Variants in CTNND2 observed in about 807,000 individuals in gnomAD.
CTNND2 encodes the protein catenin delta 2, also known as catenin delta-2.
A neutral mutation model predicts 144.4 loss-of-function variants in CTNND2; 22 were observed. The observed-to-expected ratio is 0.15, with a 90% CI of 0.11 to 0.22. The LOEUF is 0.22. Ranked by LOEUF, CTNND2 falls within the 10% of genes least tolerant of loss-of-function variation. The pLI is 1.00. For synonymous variants in CTNND2, 751 were observed against 695.6 expected (o/e 1.08, Z -1.25); for missense variants, 1,353 against 1,618.8 (o/e 0.84, Z 2.82).
At chr5:11,002,879 A>C (rs1740098463) in intron 18 of CTNND2, among the ~76,000 whole-genome samples, 1 of 152,180 alleles carries the variant, frequency 6.6e-6, no homozygotes, top group African/African-American at 2.4e-5. Context: ...CTTATAAGAG[A>C]CTTCTCTGAC....
intron 9 of CTNND2, among the ~76,000 whole-genome samples, chr5:11,250,487 C>CTATATATA (rs1282598853): frequency 1.0e-4 from 7 of 67,208 alleles, no homozygotes; most frequent in South Asian, 1.1e-3. Context: ...CTCTCTCTCT[C>CTATATATA]TCTCTATATA....
chr5:11,710,801 G>C (rs762814825), intron 2 of CTNND2, among the ~76,000 whole-genome samples: 40 of 152,206 alleles, frequency 2.6e-4, no homozygotes, highest in Non-Finnish European at 1.2e-4. Context: ...TCAATGGAAG[G>C]GAGGTTAGGG....
At position 11,517,633 on chromosome 5, in the gene CTNND2, G is replaced by A. The variant is rs528863458; in HGVS notation, c.287+47311C>T. ...CCGGGGCCTCTCGGGGGTGTAGGGGGCAAGGGGAGGGAGAGCATTAGGACA... is the reference window on the plus strand; with the variant it reads ...CCGGGGCCTCTCGGGGGTGTAGGGGACAAGGGGAGGGAGAGCATTAGGACA... On this transcript the variant is annotated intron_variant, in intron 3 of 21. Coordinates refer to ENST00000304623, the MANE Select transcript of CTNND2 (RefSeq NM_001332.4). Among the ~76,000 whole-genome samples the A allele has an allele frequency of 4.6e-5, 7 of 151,546 alleles. No homozygotes were observed. The South Asian group carries it at 1.5e-3, about 32-fold the overall frequency.
intron 1 of CTNND2, among the ~76,000 whole-genome samples, chr5:11,851,477 T>TCA (rs1795011823): frequency 6.6e-6 from 1 of 152,174 alleles, no homozygotes; most frequent in Non-Finnish European, 1.5e-5. Context: ...TTTGCTGACT[T>TCA]CACTCTGTGG....
intron 2 of CTNND2, among the ~76,000 whole-genome samples, chr5:11,628,858 G>A (rs1356669923): frequency 6.6e-6 from 1 of 152,108 alleles, no homozygotes; most frequent in Non-Finnish European, 1.5e-5. Flanking sequence ...CACAGAGAAC[G>A]GCAGATGCAA....
chr5:11,394,270 G>A (rs1297421298), intron 6 of CTNND2, among the ~76,000 whole-genome samples: 1 of 152,208 alleles, frequency 6.6e-6, no homozygotes, highest in African/African-American at 2.4e-5. Flanking sequence ...CTTGAGGACT[G>A]GGATCATGTC....
At chr5:11,879,341 G>GTATATATATATATATA (rs1411823676) in intron 1 of CTNND2, among the ~76,000 whole-genome samples, 14 of 109,386 alleles carry the variant, frequency 1.3e-4, no homozygotes, top group Middle Eastern at 0.011. Flanking sequence ...TTAAATGTGT[G>GTATATATATATATATA]TATATATATA....
intron 11 of CTNND2, among the ~76,000 whole-genome samples, chr5:11,180,101 G>C (rs985605577): frequency 1.3e-5 from 2 of 152,166 alleles, no homozygotes; most frequent in African/African-American, 4.8e-5. Flanking sequence ...CCCATGTGTT[G>C]AGGGAGGGAC....
chr5:11,555,207 G>A (rs944574795), intron 3 of CTNND2, among the ~76,000 whole-genome samples: 1 of 152,122 alleles, frequency 6.6e-6, no homozygotes, highest in African/African-American at 2.4e-5. Flanking sequence ...CCCCGTCCTG[G>A]AGAAATTACT....
intron 12 of CTNND2, among the ~76,000 whole-genome samples, chr5:11,146,896 C>A (rs1261006898): frequency 6.6e-6 from 1 of 152,160 alleles, no homozygotes; most frequent in African/African-American, 2.4e-5. Flanking sequence ...CATGTGGAAA[C>A]TGGGAAGGAT....
chr5:11,636,063 A>T (rs1488722628), intron 2 of CTNND2, among the ~76,000 whole-genome samples: 1 of 124,894 alleles, frequency 8.0e-6, no homozygotes, highest in Non-Finnish European at 1.6e-5. Flanking sequence ...TCATGATTCT[A>T]CAGTAACTTG....
intron 2 of CTNND2, among the ~76,000 whole-genome samples, chr5:11,651,884 AT>A (rs1211246145): frequency 1.3e-5 from 2 of 151,938 alleles, no homozygotes; most frequent in East Asian, 1.9e-4. Context: ...TATTTTATTT[AT>A]TTTTTTTATT....
At chr5:11,615,565 C>A (rs9312781) in intron 2 of CTNND2, among the ~76,000 whole-genome samples, 2,565 of 152,180 alleles carry the variant, frequency 0.017, 88 homozygotes, top group African/African-American at 0.058. Context: ...TCTTTGAAAT[C>A]ATCTACTCAA....
intron 2 of CTNND2, among the ~76,000 whole-genome samples, chr5:11,622,919 C>T (rs544836318): frequency 6.6e-6 from 1 of 152,126 alleles, no homozygotes; most frequent in East Asian, 1.9e-4. Context: ...TTAAATCCTT[C>T]TTTTATTGTT....
At chr5:11,465,769 C>A (rs1581254880) in intron 3 of CTNND2, among the ~76,000 whole-genome samples, 1 of 152,140 alleles carries the variant, frequency 6.6e-6, no homozygotes, top group African/African-American at 2.4e-5. Flanking sequence ...AGAAAGATGA[C>A]CAACTCCATC....
At chr5:11,726,583 ACAC>A (rs1343718943) in intron 2 of CTNND2, among the ~76,000 whole-genome samples, 1 of 152,206 alleles carries the variant, frequency 6.6e-6, no homozygotes, top group Admixed American at 6.5e-5. Flanking sequence ...AATTACTAAA[ACAC>A]CACATTTTAC....
intron 10 of CTNND2, among the ~76,000 whole-genome samples, chr5:11,230,340 A>G (rs1031696805): frequency 2.9e-5 from 4 of 136,676 alleles, no homozygotes; most frequent in African/African-American, 1.1e-4. Flanking sequence ...TACAATGTGC[A>G]CATGTACCCT....
At chr5:11,889,736 T>G (rs1560973261) in intron 1 of CTNND2, among the ~76,000 whole-genome samples, 1 of 152,222 alleles carries the variant, frequency 6.6e-6, no homozygotes, top group Non-Finnish European at 1.5e-5. Flanking sequence ...AACACAGAAT[T>G]ACTAAAATAT....
chr5:11,215,049 G>A (rs1387542930), intron 10 of CTNND2, among the ~76,000 whole-genome samples: 1 of 152,224 alleles, frequency 6.6e-6, no homozygotes, highest in Non-Finnish European at 1.5e-5. Context: ...CCACAGGGCT[G>A]AGAGGAGTGC....
Sources: gnomAD v4.1 joint callset for allele counts (sites outside exome capture counted in the v4.1 genomes callset) on GRCh38, gnomAD v4.1.1 for gene constraint, MANE v1.5 for transcripts, NCBI Gene and HGNC (gene_info 2026-07-23, HGNC 2026-07-21) for gene names.